DNAH17: variants seen among roughly 807,000 people sequenced by gnomAD.
The protein encoded by DNAH17 is dynein axonemal heavy chain 17.
DNAH17 carries 376 observed loss-of-function variants against 485.6 expected under a neutral mutation model. The observed-to-expected ratio is 0.77, with a 90% CI of 0.71 to 0.84. DNAH17 has a LOEUF of 0.84. Ranked by LOEUF, DNAH17 falls within the 40% of genes least tolerant of loss-of-function variation. The pLI, the probability that DNAH17 is intolerant of heterozygous loss-of-function variation, is 0.00. For synonymous variants in DNAH17, 3,031 were observed against 2,405.9 expected (o/e 1.26, Z -7.60); for missense variants, 6,370 against 5,839.3 (o/e 1.09, Z -2.96).
rs771524286 is a variant in DNAH17 at position 78,490,832 on chromosome 17, T to A, written c.6685A>T (p.Ser2229Cys). 3.8e-5 allele frequency: 61 copies of A among 1,601,044 alleles called. No homozygotes were observed. The highest frequency in any genetic ancestry group is 4.8e-5 in the Non-Finnish European group (56 of 1,173,702). Residue 2229 changes from serine to cysteine, a missense_variant, in exon 44 of 81, where the codon AGC becomes TGC. By Grantham distance (112) the Ser-to-Cys change is moderately radical (BLOSUM62 -1). Transcript: ENST00000389840. ...MDDNKVLTLA[S>C]NERIPLNRTM... Reference sequence around the variant, plus strand: ...CGGTTCAGGGGGATCCGCTCGTTGCTGGCCAGGGTGAGGACCTAGGAGGGG... The same window carrying A: ...CGGTTCAGGGGGATCCGCTCGTTGCAGGCCAGGGTGAGGACCTAGGAGGGG...
intron 16 of DNAH17, among the ~76,000 whole-genome samples, chr17:78,550,556 C>CA (rs2091879809): frequency 6.6e-6 from 1 of 152,204 alleles, no homozygotes. Context: ...GACACAGACA[C>CA]ACAGAGGGAG....
rs1437782666 is a variant in DNAH17, at chr17:78,544,758, G to A, written c.2392-761C>T. ...AGAGCTTGCAGTGAGCCGAGATCAC[G>A]CCACTCCACTCCAGCCTGGGGCACA... is the stretch of plus-strand genomic sequence containing the variant. On this transcript the variant is annotated intron_variant, in intron 16 of 80. Transcript: ENST00000389840. Among the ~76,000 whole-genome samples, 11 of 121,684 alleles carry A rather than the reference G, an allele frequency of 9.0e-5. No homozygotes were observed. In the Admixed American group the frequency reaches 9.5e-4, roughly 10 times the overall value. 79.8% of individuals were successfully genotyped at this position (121,684 alleles called of 152,430 possible).
rs1260145712 is a variant in DNAH17 at position 78,495,093 on chromosome 17, A to G, written c.5908T>C (p.Cys1970Arg). ...TCGAAGTCGGGGACGACCATGGCAC[A>G]GGGCCTGGGGAGGTCAGCGGTGCCT... Reference protein sequence around the residue: ...PENLKALFRPCAMVVPDFELI... With the variant: ...PENLKALFRPRAMVVPDFELI... The change falls in exon 39 of 81, where the codon TGT (cysteine) becomes CGT (arginine). Residue 1970 changes from cysteine to arginine, a missense_variant. Transcript: ENST00000389840. 8 of 1,606,372 alleles carry G rather than the reference A, an allele frequency of 5.0e-6. No individual in the cohort carries two copies. The highest frequency in any genetic ancestry group is 6.8e-6 in the Non-Finnish European group (8 of 1,176,676).
chr17:78,574,949 C>G lies in DNAH17; in HGVS notation c.109G>C (p.Val37Leu). The change falls in exon 2 of 81, where the codon GTG (valine) becomes CTG (leucine). Residue 37 changes from valine to leucine, a missense_variant. Physicochemically the swap from Val to Leu is conservative, Grantham distance 32. Coordinates refer to ENST00000389840, the MANE Select transcript of DNAH17 (RefSeq NM_173628.4). ...WSKLIGAEEN[V>L]ALFTEFFEKP... ...TCAAAGAACTCTGTGAACAGGGCCACGTTCTCCTCGGCGCCTATCAGCTTG... is the reference window on the plus strand; with the variant it reads ...TCAAAGAACTCTGTGAACAGGGCCAGGTTCTCCTCGGCGCCTATCAGCTTG... 6.2e-7 allele frequency: 1 copy of G among 1,613,984 alleles called. No individual in the cohort carries two copies. The highest frequency in any genetic ancestry group is 8.5e-7 in the Non-Finnish European group (1 of 1,179,894).
intron 27 of DNAH17, among the ~76,000 whole-genome samples, chr17:78,508,323 A>G (rs2083980): frequency 0.095 from 14,419 of 152,190 alleles, 748 homozygotes; most frequent in Non-Finnish European, 0.12. Flanking sequence ...TAGGATGGGA[A>G]GTGGAGGCGG....
chr17:78,504,125 G>A (rs1312003629), intron 31 of DNAH17, among the ~76,000 whole-genome samples: 1 of 151,746 alleles, frequency 6.6e-6, no homozygotes, highest in Admixed American at 6.6e-5. Flanking sequence ...GAGTGTAGTG[G>A]CGTGATCTCG....
At chr17:78,450,032 G>A in intron 68 of DNAH17, 1 of 575,304 alleles carries the variant, frequency 1.7e-6, no homozygotes, top group Non-Finnish European at 3.1e-6. Flanking sequence ...GAAGAGCAGG[G>A]AGGAGGGAGC....
chr17:78,564,585 T>G (rs1054327916), intron 11 of DNAH17, among the ~76,000 whole-genome samples: 4 of 152,088 alleles, frequency 2.6e-5, no homozygotes, highest in African/African-American at 4.8e-5. Context: ...CCTGACGCTT[T>G]TGTGTTATCC....
chr17:78,426,442 G>A lies in DNAH17; in HGVS notation c.12915+15C>T, dbSNP rs377457833. The A allele has an allele frequency of 1.3e-5, 21 of 1,580,692 alleles. 1 individual carries two copies. In the East Asian group the frequency reaches 1.4e-4, roughly 10 times the overall value. On this transcript the variant is annotated intron_variant, in intron 79 of 80. Transcript: ENST00000389840. Reference sequence around the variant, plus strand: ...CCCGAGTCTTAGGAAGCCTCTCAGAGAAAACGGCACTTACCCTGATGCGGA... The same window carrying A: ...CCCGAGTCTTAGGAAGCCTCTCAGAAAAAACGGCACTTACCCTGATGCGGA...
At chr17:78,472,497 G>T (rs367672039) in intron 54 of DNAH17, among the ~76,000 whole-genome samples, 1 of 152,100 alleles carries the variant, frequency 6.6e-6, no homozygotes, top group Admixed American at 6.5e-5. Flanking sequence ...GACCTGAGCC[G>T]CTGAGACCAC....
At chr17:78,546,721 C>T (rs2091773160) in intron 16 of DNAH17, among the ~76,000 whole-genome samples, 2 of 152,180 alleles carry the variant, frequency 1.3e-5, no homozygotes. Context: ...GCCTGAACAA[C>T]ATGGTGAAAC....
Position 78,500,421 on chromosome 17 carries a change from C to G in DNAH17, c.5524G>C (p.Gly1842Arg), listed in dbSNP as rs1281876122. The G allele has an allele frequency of 1.9e-6, 3 of 1,608,412 alleles. No individual in the cohort carries two copies. Among genetic ancestry groups the G allele is most frequent in the Admixed American group, 3.4e-5 (2 of 58,428 alleles). ...CCAGCGGGGCCGGCAGGGGCTCCACCCATGATGAGATGGAGGGACTGGGTC... is the reference window on the plus strand; with the variant it reads ...CCAGCGGGGCCGGCAGGGGCTCCACGCATGATGAGATGGAGGGACTGGGTC... ...TLTQSLHLIM[G>R]GAPAGPAGTG... Residue 1842 changes from glycine (G) to arginine (R), a missense_variant, in exon 36 of 81, where the codon GGT becomes CGT. Transcript: ENST00000389840.
chr17:78,504,318 A>C (rs1266684373), intron 31 of DNAH17, among the ~76,000 whole-genome samples: 1 of 151,734 alleles, frequency 6.6e-6, no homozygotes, highest in African/African-American at 2.4e-5. Context: ...GCCCACCTCG[A>C]CCTCCCAAAG....
Position 78,526,663 on chromosome 17 carries a change from C to T in DNAH17, c.3699G>A (p.Lys1233=), listed in dbSNP as rs201721813. Reference sequence around the variant, plus strand: ...TGAGCAAAAATACCTTATTCAGGGACTTGTAGGGGTTGGGGTCGCTGAAGG... The same window carrying T: ...TGAGCAAAAATACCTTATTCAGGGATTTGTAGGGGTTGGGGTCGCTGAAGG... ...PFSFSDPNPY[K]SLNKQQKSIS... The change falls in exon 24 of 81, where the codon AAG becomes AAA. Residue 1233 remains lysine, a synonymous_variant. Coordinates refer to ENST00000389840, the MANE Select transcript of DNAH17 (RefSeq NM_173628.4). The T allele has an allele frequency of 1.6e-4, 254 of 1,608,146 alleles. No individual in the cohort carries two copies. The highest frequency in any genetic ancestry group is 2.0e-4 in the Non-Finnish European group (230 of 1,175,744).
Position 78,424,064 on chromosome 17 carries a change from T to C in DNAH17, c.13231A>G (p.Ile4411Val), listed in dbSNP as rs1443230504. ...PAMPVIFIKA[I>V]PVDRMETKNI... ...TTGGTCTCCATGCGGTCCACAGGAA[T>C]GGCCTTGATGAAGATGACAGGCATG... Residue 4411 changes from isoleucine (I) to valine (V), a missense_variant, in exon 81 of 81, where the codon ATT (isoleucine) becomes GTT (valine). Physicochemically the swap from Ile to Val is conservative, Grantham distance 29. Transcript: ENST00000389840. The C allele has an allele frequency of 4.3e-6, 7 of 1,614,056 alleles. No individual in the cohort carries two copies. Among genetic ancestry groups the C allele is most frequent in the South Asian group, 1.1e-5 (1 of 91,090 alleles).
chr17:78,569,108 C>T, intron 9 of DNAH17, 58 bp downstream of exon 9: 1 of 1,394,370 alleles, frequency 7.2e-7, no homozygotes, highest in South Asian at 1.2e-5. Flanking sequence ...CTGCAGGTGT[C>T]CTAGGGTAGG....
At chr17:78,488,172 C>T (rs2089695448) in intron 44 of DNAH17, among the ~76,000 whole-genome samples, 1 of 152,216 alleles carries the variant, frequency 6.6e-6, no homozygotes, top group Non-Finnish European at 1.5e-5. Flanking sequence ...TGTGCTGTCT[C>T]TGATATGCGT....
chr17:78,469,975 G>A (rs1295598765), intron 54 of DNAH17, among the ~76,000 whole-genome samples: 2 of 151,900 alleles, frequency 1.3e-5, no homozygotes, highest in Non-Finnish European at 2.9e-5. Flanking sequence ...AGATGAAAGG[G>A]TCCTGGAGAG....
chr17:78,561,163 G>A (rs372746966), intron 12 of DNAH17, among the ~76,000 whole-genome samples: 10 of 152,136 alleles, frequency 6.6e-5, no homozygotes, highest in South Asian at 2.1e-4. Context: ...TAGAACCCAC[G>A]CAGCAACTGG....
Sources: gnomAD v4.1 joint callset for allele counts (sites outside exome capture counted in the v4.1 genomes callset) on GRCh38, gnomAD v4.1.1 for gene constraint, MANE v1.5 for transcripts, NCBI Gene and HGNC (gene_info 2026-07-23, HGNC 2026-07-21) for gene names.